Variants in GREM1 observed in about 807,000 individuals in gnomAD.
GREM1 encodes the protein gremlin 1, DAN family BMP antagonist.
A neutral mutation model predicts 13.1 loss-of-function variants in GREM1; 6 were observed. The ratio of observed to expected loss-of-function variants is 0.46; its 90% confidence interval spans 0.25 to 0.91. The LOEUF (loss-of-function observed/expected upper bound fraction) is 0.91. Among genes scored for constraint, GREM1 ranks in the 40% least tolerant of loss-of-function variants. GREM1 has a pLI of 0.18. For synonymous variants in GREM1, 98 were observed against 93.7 expected (o/e 1.05, Z -0.27); for missense variants, 185 against 233.9 (o/e 0.79, Z 1.36).
In GREM1 at chr15:32,737,942, A is replaced by AAAG. The variant is rs559759204; in HGVS notation, c.*6699_*6700insGAA. 0.017 allele frequency: 1,981 copies of AAAG among 114,366 alleles called. 134 individuals carry two copies. In the East Asian group the frequency reaches 0.2, roughly 11 times the overall value. The allele number at this position is 114,366 out of a possible 1,614,324, so 7.1% of individuals were successfully genotyped here. ...AAACTCTGTCTCAAAAAAAAAAAAA[A>AAAG]AAAGAAAAGAAAAACCCACAGCTAA... On this transcript the variant is annotated 3_prime_UTR_variant, in exon 2 of 2. Transcript: ENST00000651154.
chr15:32,738,125 A>AAAAAAAAAAAACAAAC lies in GREM1; in HGVS notation c.*6888_*6889insAAACAAACAAAAAAAA. ...AAAAAAAAAAAAAAAAAAAAAAAAA[A>AAAAAAAAAAAACAAAC]AAAAAAAAGAAAAGAAAAAAGTCAT... On this transcript the variant is annotated 3_prime_UTR_variant, in exon 2 of 2. Coordinates refer to ENST00000651154, the MANE Select transcript of GREM1 (RefSeq NM_013372.7). The AAAAAAAAAAAACAAAC allele has an allele frequency of 3.6e-5, 1 of 27,966 alleles. No individual in the cohort carries two copies. Among genetic ancestry groups the AAAAAAAAAAAACAAAC allele is most frequent in the African/African-American group, 1.5e-4 (1 of 6,582 alleles). The allele number at this position is 27,966 out of a possible 1,614,324, so 1.7% of individuals were successfully genotyped here.
Position 32,739,713 on chromosome 15 carries a change from T to C in GREM1, c.*8468T>C, listed in dbSNP as rs1156303973. ...AAAAGGCTCCTGCACTCCCAGCAAA[T>C]GCAAAAACCAGACTCACCAAAGCTG... On this transcript the variant is annotated 3_prime_UTR_variant, in exon 2 of 2. Transcript: ENST00000651154. The C allele has an allele frequency of 6.6e-6, 1 of 152,234 alleles. No homozygotes were observed. Among genetic ancestry groups the C allele is most frequent in the East Asian group, 1.9e-4 (1 of 5,188 alleles). The allele number at this position is 152,234 out of a possible 1,614,324, so 9.4% of individuals were successfully genotyped here. A position where few individuals can be genotyped will look rare whatever the true frequency, so the allele number is the denominator to read the frequency against.
intron 1 of GREM1, among the ~76,000 whole-genome samples, chr15:32,721,517 A>T (rs1325818493): frequency 6.6e-6 from 1 of 152,104 alleles, no homozygotes; most frequent in Non-Finnish European, 1.5e-5. Flanking sequence ...GCACTTTCGG[A>T]GACTGAGGCA....
At chr15:32,720,660 A>G (rs914860482) in intron 1 of GREM1, among the ~76,000 whole-genome samples, 4 of 152,230 alleles carry the variant, frequency 2.6e-5, no homozygotes, top group Non-Finnish European at 5.9e-5. Context: ...TCAAAGTACA[A>G]CAGGAATTCC....
chr15:32,730,885 C>T lies in GREM1; in HGVS notation c.195C>T (p.Gly65=), dbSNP rs754459001. The change falls in exon 2 of 2, where the codon GGC becomes GGT. Residue 65 remains glycine, a synonymous_variant. Transcript: ENST00000651154. ...SRNRGRGQGR[G]TAMPGEEVLE... is the part of the protein sequence containing the mutation. ...ACCGGGGGCGGGGCCAAGGGCGGGG[C>T]ACTGCCATGCCCGGGGAGGAGGTGC... is the stretch of plus-strand genomic sequence containing the variant. 12 of 1,613,238 alleles carry T rather than the reference C, an allele frequency of 7.4e-6. No individual in the cohort carries two copies. Among genetic ancestry groups the T allele is most frequent in the Admixed American group, 5.0e-5 (3 of 59,942 alleles).
chr15:32,730,852 C>T lies in GREM1; in HGVS notation c.162C>T (p.Gly54=). The T allele has an allele frequency of 1.2e-6, 2 of 1,613,590 alleles. No homozygotes were observed. The highest frequency in any genetic ancestry group is 1.7e-6 in the Non-Finnish European group (2 of 1,179,782). ...SEQTQSPQQP[G]SRNRGRGQGR... is the part of the protein sequence containing the mutation. Reference sequence around the variant, plus strand: ...AGACTCAGTCGCCCCAGCAGCCTGGCTCCAGGAACCGGGGGCGGGGCCAAG... The same window carrying T: ...AGACTCAGTCGCCCCAGCAGCCTGGTTCCAGGAACCGGGGGCGGGGCCAAG... The change falls in exon 2 of 2, where the codon GGC becomes GGT. Residue 54 remains glycine, a synonymous_variant. Coordinates refer to ENST00000651154, the MANE Select transcript of GREM1 (RefSeq NM_013372.7).
In GREM1 at chr15:32,731,273, C is replaced by T. The variant is rs755005942; in HGVS notation, c.*28C>T. 1 of 1,571,436 alleles carries T rather than the reference C, an allele frequency of 6.4e-7. No homozygotes were observed. The highest frequency in any genetic ancestry group is 8.7e-7 in the Non-Finnish European group (1 of 1,148,228). The stretch of plus-strand genomic sequence containing the variant: ...CAAATCCAGGTGCACCCAGCATGTC[C>T]TAGGAATGCAGCCCCAGGAAGTCCC... On this transcript the variant is annotated 3_prime_UTR_variant, in exon 2 of 2. Coordinates refer to ENST00000651154, the MANE Select transcript of GREM1 (RefSeq NM_013372.7).
At chr15:32,723,466 G>GA (rs1434861940) in intron 1 of GREM1, among the ~76,000 whole-genome samples, 1 of 152,162 alleles carries the variant, frequency 6.6e-6, no homozygotes, top group Non-Finnish European at 1.5e-5. Flanking sequence ...TGACATTCTT[G>GA]AAGTTGGTGT....
chr15:32,721,489 T>G (rs148308318), intron 1 of GREM1, among the ~76,000 whole-genome samples: 16 of 152,294 alleles, frequency 1.1e-4, no homozygotes, highest in African/African-American at 3.6e-4. Flanking sequence ...GTGAGGTGGC[T>G]CACGCTTGTA....
intron 1 of GREM1, among the ~76,000 whole-genome samples, chr15:32,729,480 A>G (rs911411155): frequency 6.6e-6 from 1 of 150,668 alleles, no homozygotes; most frequent in African/African-American, 2.4e-5. Flanking sequence ...TGCCTTTACT[A>G]CCTCCCCTGA....
At chr15:32,724,485 A>T (rs1031489237) in intron 1 of GREM1, among the ~76,000 whole-genome samples, 2 of 152,218 alleles carry the variant, frequency 1.3e-5, no homozygotes, top group African/African-American at 4.8e-5. Flanking sequence ...TCCAACTTGA[A>T]TACCAGAAAT....
Position 32,734,744 on chromosome 15 carries a change from G to A in GREM1, c.*3499G>A. The A allele has an allele frequency of 4.9e-6, 1 of 202,938 alleles. No homozygotes were observed. Among genetic ancestry groups the A allele is most frequent in the Non-Finnish European group, 1.0e-5 (1 of 98,074 alleles). The allele number at this position is 202,938 out of a possible 1,614,324, so 12.6% of individuals were successfully genotyped here. On this transcript the variant is annotated 3_prime_UTR_variant, in exon 2 of 2. Coordinates refer to ENST00000651154, the MANE Select transcript of GREM1 (RefSeq NM_013372.7). ...GCAGGGATGCACTTATCATGGGAAG[G>A]GAGGTAGAAAAGAGAATTGGATAGC...
At chr15:32,721,864 C>T (rs2055415213) in intron 1 of GREM1, among the ~76,000 whole-genome samples, 2 of 152,200 alleles carry the variant, frequency 1.3e-5, no homozygotes, top group African/African-American at 4.8e-5. Context: ...TAATTTATTA[C>T]TTTCTAACTC....
Position 32,733,145 on chromosome 15 carries a change from G to A in GREM1, c.*1900G>A, listed in dbSNP as rs117202960. On this transcript the variant is annotated 3_prime_UTR_variant, in exon 2 of 2. Transcript: ENST00000651154. ...TAAACTCACTACTGATGATTCTCAC[G>A]CTAGGCGAATTTGTCCAAACACATA... The A allele has an allele frequency of 4.3e-6, 1 of 230,046 alleles. No individual in the cohort carries two copies. Among genetic ancestry groups the A allele is most frequent in the Admixed American group, 5.8e-5 (1 of 17,144 alleles). The allele number at this position is 230,046 out of a possible 1,614,324, so 14.3% of individuals were successfully genotyped here. A position where few individuals can be genotyped will look rare whatever the true frequency, so the allele number is the denominator to read the frequency against.
chr15:32,728,571 C>A (rs1466363571), intron 1 of GREM1, among the ~76,000 whole-genome samples: 2 of 152,180 alleles, frequency 1.3e-5, no homozygotes, highest in African/African-American at 4.8e-5. Context: ...ATGTGCTGTT[C>A]ATTAGAAAAT....
At chr15:32,727,170 C>G (rs1427224853) in intron 1 of GREM1, among the ~76,000 whole-genome samples, 1 of 151,050 alleles carries the variant, frequency 6.6e-6, no homozygotes, top group African/African-American at 2.4e-5. Flanking sequence ...AGGCCAGCAT[C>G]ATCCTGATAC....
chr15:32,730,146 T>C (rs1194372763), intron 1 of GREM1, among the ~76,000 whole-genome samples: 1 of 152,202 alleles, frequency 6.6e-6, no homozygotes, highest in Non-Finnish European at 1.5e-5. Flanking sequence ...CTTTCCTGTT[T>C]TGTTGTTTTC....
In GREM1 at chr15:32,731,785, G is replaced by C. The variant is rs2055624850; in HGVS notation, c.*540G>C. ...GTCAGTCTAATCTCTTGTTTGCCAA[G>C]GTTCCTAAATTAATTCACTTAACCA... On this transcript the variant is annotated 3_prime_UTR_variant, in exon 2 of 2. Transcript: ENST00000651154. 4.2e-6 allele frequency: 1 copy of C among 235,602 alleles called. No homozygotes were observed. Among genetic ancestry groups the C allele is most frequent in the East Asian group, 6.7e-5 (1 of 14,934 alleles). The allele number at this position is 235,602 out of a possible 1,614,324, so 14.6% of individuals were successfully genotyped here.
At chr15:32,718,424 G>T in intron 1 of GREM1, 1 of 478,546 alleles carries the variant, frequency 2.1e-6, no homozygotes. Context: ...CCCACATCCC[G>T]TTTCCACCTC....
Sources: gnomAD v4.1 joint callset for allele counts (sites outside exome capture counted in the v4.1 genomes callset) on GRCh38, gnomAD v4.1.1 for gene constraint, MANE v1.5 for transcripts, NCBI Gene and HGNC (gene_info 2026-07-23, HGNC 2026-07-21) for gene names.